GPM6A: variants seen among roughly 807,000 people sequenced by gnomAD.
GPM6A encodes neuronal membrane glycoprotein M6-a.
GPM6A carries 7 observed loss-of-function variants against 32.1 expected under a neutral mutation model. That is an observed-to-expected ratio of 0.22 (90% CI 0.12 to 0.41). The LOEUF (loss-of-function observed/expected upper bound fraction) is 0.41. Among genes scored for constraint, GPM6A ranks in the 10% least tolerant of loss-of-function variants. The probability of loss-of-function intolerance (pLI) is 1.00; values close to 1 mark genes in which losing one functional copy is unlikely to be tolerated. For synonymous variants in GPM6A, 130 were observed against 123.4 expected (o/e 1.05, Z -0.35); for missense variants, 235 against 347.2 (o/e 0.68, Z 2.57).
intron 1 of GPM6A, among the ~76,000 whole-genome samples, chr4:175,897,433 C>T (rs1737830901): frequency 6.6e-6 from 1 of 152,120 alleles, no homozygotes; most frequent in Admixed American, 6.5e-5. Flanking sequence ...ATGCGGTCTG[C>T]AGAGGTCAGG....
At chr4:175,931,172 T>C (rs1739026752) in intron 1 of GPM6A, among the ~76,000 whole-genome samples, 1 of 152,170 alleles carries the variant, frequency 6.6e-6, no homozygotes, top group Admixed American at 6.5e-5. Flanking sequence ...CATATCTCAA[T>C]CTTTGCAGTG....
intron 1 of GPM6A, among the ~76,000 whole-genome samples, chr4:175,724,436 C>T (rs993973352): frequency 2.6e-5 from 4 of 152,016 alleles, no homozygotes; most frequent in Admixed American, 6.6e-5. Context: ...CCCAGCTACT[C>T]GGGAGGCTAA....
At position 175,889,518 on chromosome 4, in the gene GPM6A, C is replaced by CAAAAAAAAAAAAA. The variant is rs35210127; in HGVS notation, c.-22-77282_-22-77270dup. ...GAGTGACAGAGCAAAACCCTGTCTC[C>CAAAAAAAAAAAAA]AAAAAAAAAAAAAGAGGCCAGGCGC... On this transcript the variant is annotated intron_variant, in intron 1 of 7. Coordinates refer to the GPM6A transcript ENST00000280187. Among the ~76,000 whole-genome samples the CAAAAAAAAAAAAA allele has an allele frequency of 1.4e-3, 191 of 136,984 alleles. 1 individual carries two copies. The South Asian group carries it at 0.04, about 29-fold the overall frequency. 89.9% of individuals were successfully genotyped at this position (136,984 alleles called of 152,430 possible).
intron 2 of GPM6A, among the ~76,000 whole-genome samples, chr4:175,691,998 T>C (rs113342596): frequency 7.2e-4 from 109 of 152,320 alleles, no homozygotes; most frequent in African/African-American, 2.4e-3. Flanking sequence ...GGCTTCTTCC[T>C]GAGAGCCTCC....
intron 1 of GPM6A, among the ~76,000 whole-genome samples, chr4:175,875,453 A>G (rs963619713): frequency 6.6e-6 from 1 of 152,212 alleles, no homozygotes; most frequent in African/African-American, 2.4e-5. Flanking sequence ...GGATAATTAG[A>G]GTCAATTTGA....
rs148166352 is a variant in GPM6A, at chr4:175,990,517, G to A, written c.-23+11792C>T. ...AAATTATACTTACCCTGCATCCTTC[G>A]TTACGTCATTATGTGCAGAGCAAGG... On this transcript the variant is annotated intron_variant, in intron 1 of 7. Coordinates refer to the GPM6A transcript ENST00000280187. 2.6e-3 allele frequency among the ~76,000 whole-genome samples: 391 copies of A among 152,122 alleles called. 5 individuals are homozygous for A. The highest frequency in any genetic ancestry group is 8.6e-3 in the African/African-American group (358 of 41,496).
chr4:175,785,218 G>A (rs1733755052), intron 1 of GPM6A, among the ~76,000 whole-genome samples: 1 of 152,084 alleles, frequency 6.6e-6, no homozygotes, highest in Admixed American at 6.6e-5. Context: ...CAAATTCCAC[G>A]CAGAGGCCAC....
intron 1 of GPM6A, among the ~76,000 whole-genome samples, chr4:175,924,165 C>T (rs1738758121): frequency 6.6e-6 from 1 of 152,180 alleles, no homozygotes; most frequent in Non-Finnish European, 1.5e-5. Flanking sequence ...ACAATTAGAG[C>T]TCTCATTTTA....
chr4:175,814,102 T>C (rs11723840), upstream of GPM6A, among the ~76,000 whole-genome samples: 2,907 of 152,346 alleles, frequency 0.019, 44 homozygotes, highest in Middle Eastern at 0.034. Flanking sequence ...ACGCTCCTCA[T>C]TTAGATCCTT....
chr4:175,701,073 T>A (rs1019141961), intron 2 of GPM6A, among the ~76,000 whole-genome samples: 12 of 152,224 alleles, frequency 7.9e-5, no homozygotes, highest in Admixed American at 7.2e-4. Flanking sequence ...TGATTTACTC[T>A]TTTACAGAAG....
At chr4:175,799,666 G>GTTTTTTTTTTTT (rs1553990612) in intron 1 of GPM6A, among the ~76,000 whole-genome samples, 2 of 114,916 alleles carry the variant, frequency 1.7e-5, no homozygotes, top group Non-Finnish European at 4.1e-5. Context: ...AGTAGCAAGT[G>GTTTTTTTTTTTT]TTTTCTTTTT....
intron 1 of GPM6A, among the ~76,000 whole-genome samples, chr4:175,715,570 G>C (rs1745796775): frequency 6.6e-6 from 1 of 152,168 alleles, no homozygotes; most frequent in Admixed American, 6.5e-5. Context: ...AAGAGTTGAA[G>C]ACTAAATGGG....
At chr4:175,838,458 T>C (rs1735839434) in intron 1 of GPM6A, among the ~76,000 whole-genome samples, 1 of 151,148 alleles carries the variant, frequency 6.6e-6, no homozygotes, top group Non-Finnish European at 1.5e-5. Flanking sequence ...TTTTTTTCTG[T>C]CTACTGCACT....
At chr4:175,763,597 G>A (rs17658546) in intron 1 of GPM6A, among the ~76,000 whole-genome samples, 2,273 of 152,152 alleles carry the variant, frequency 0.015, 34 homozygotes, top group South Asian at 0.025. Context: ...AGGGAAAAAT[G>A]CAATGATAAA....
chr4:175,740,483 T>C (rs1731846312), intron 1 of GPM6A, among the ~76,000 whole-genome samples: 1 of 152,040 alleles, frequency 6.6e-6, no homozygotes, highest in South Asian at 2.1e-4. Flanking sequence ...TTGTGGACTT[T>C]CTCAGTGGAG....
upstream of GPM6A, among the ~76,000 whole-genome samples, chr4:175,815,954 T>C (rs1438525334): frequency 1.3e-5 from 2 of 152,034 alleles, no homozygotes; most frequent in Non-Finnish European, 2.9e-5. Flanking sequence ...CAACCTCAGG[T>C]GATCCGCCTA....
At chr4:175,874,403 C>T (rs531913678) in intron 1 of GPM6A, among the ~76,000 whole-genome samples, 2 of 152,172 alleles carry the variant, frequency 1.3e-5, no homozygotes, top group South Asian at 4.2e-4. Context: ...GGGTTCTGGA[C>T]GCTCAGTGAG....
chr4:175,850,595 CT>C (rs1736222936), intron 1 of GPM6A, among the ~76,000 whole-genome samples: 1 of 151,978 alleles, frequency 6.6e-6, no homozygotes, highest in Non-Finnish European at 1.5e-5. Flanking sequence ...TGACACATGC[CT>C]GACAGCAAAA....
At chr4:175,978,300 A>C (rs149405211) in intron 1 of GPM6A, among the ~76,000 whole-genome samples, 2,369 of 152,234 alleles carry the variant, frequency 0.016, 61 homozygotes, top group African/African-American at 0.052. Context: ...CACTTATAAA[A>C]CTATCAGATC....
Sources: allele counts gnomAD v4.1 joint callset (sites outside exome capture counted in the v4.1 genomes callset), GRCh38; gene constraint gnomAD v4.1.1; transcripts MANE v1.5; gene names NCBI Gene and HGNC (gene_info 2026-07-23, HGNC 2026-07-21).